The following ZFHX3 variants were observed in gnomAD, a reference collection of about 807,000 sequenced individuals.
The protein encoded by ZFHX3 is zinc finger homeobox protein 3.
In ZFHX3, 42 loss-of-function variants were observed where a neutral mutation model predicts 279.1. The observed-to-expected ratio is 0.15, with a 90% CI of 0.12 to 0.19. ZFHX3 has a LOEUF of 0.19. Ranked by LOEUF, ZFHX3 falls within the 10% of genes least tolerant of loss-of-function variation. The pLI is 1.00. For missense variants in ZFHX3, 4,981 were observed against 4,754.0 expected, an observed-to-expected ratio of 1.05 and a Z score of -1.40; for synonymous variants, 2,293 against 1,957.8, an observed-to-expected ratio of 1.17 and a Z score of -4.52.
rs1289759614 is a variant in ZFHX3 at position 72,958,498 on chromosome 16, T to G, written c.1648A>C (p.Thr550Pro). The change falls in exon 2 of 10, where the codon ACT becomes CCT. Residue 550 changes from threonine (T) to proline (P), a missense_variant. Thr to Pro is a conservative substitution (Grantham distance 38). This residue lies in a region of ZFHX3 where 1,068 missense variants were observed against 935.2 expected (regional missense o/e 1.14). Coordinates refer to ENST00000268489, the MANE Select transcript of ZFHX3 (RefSeq NM_006885.4). Reference protein sequence around the residue: ...LQTLSRGTASTSSNSASSFVV... With the variant: ...LQTLSRGTASPSSNSASSFVV... ...AAGGAAGAAGCAGAATTAGAACTAG[T>G]AGAAGCTGTGCCCCTCGACAGGGTC... 1 of 1,614,106 alleles carries G rather than the reference T, an allele frequency of 6.2e-7. No homozygotes were observed. The highest frequency in any genetic ancestry group is 8.5e-7 in the Non-Finnish European group (1 of 1,180,040).
At chr16:73,337,389 T>C (rs1247651299) in intron 3 of ZFHX3, among the ~76,000 whole-genome samples, 4 of 152,162 alleles carry the variant, frequency 2.6e-5, no homozygotes, top group African/African-American at 4.8e-5. Flanking sequence ...TGGTGAGCTT[T>C]GTTACTTCCA....
Position 72,788,090 on chromosome 16 carries a change from G to C in ZFHX3, c.10186C>G (p.Pro3396Ala), listed in dbSNP as rs1567507645. ...QQQQKVQQQQ[P>A]KASQTPVPPG... Reference sequence around the variant, plus strand: ...GGGACTGGGGTTTGGCTTGCTTTGGGCTGCTGCTGCTGCACTTTTTGCTGC... The same window carrying C: ...GGGACTGGGGTTTGGCTTGCTTTGGCCTGCTGCTGCTGCACTTTTTGCTGC... Residue 3396 changes from proline to alanine, a missense_variant, in exon 10 of 10, where the codon CCC (proline) becomes GCC (alanine). By Grantham distance (27) the Pro-to-Ala change is conservative. Coordinates refer to ENST00000268489, the MANE Select transcript of ZFHX3 (RefSeq NM_006885.4). 6.2e-7 allele frequency: 1 copy of C among 1,608,310 alleles called. No individual in the cohort carries two copies. The highest frequency in any genetic ancestry group is 8.5e-7 in the Non-Finnish European group (1 of 1,177,192).
chr16:72,894,411 G>A (rs1167332999), intron 3 of ZFHX3, among the ~76,000 whole-genome samples: 3 of 152,146 alleles, frequency 2.0e-5, no homozygotes, highest in Non-Finnish European at 4.4e-5. Context: ...CCTAGGCCCT[G>A]AGCGGCTCAA....
chr16:73,193,347 G>A (rs1207638152), intron 5 of ZFHX3, among the ~76,000 whole-genome samples: 2 of 152,186 alleles, frequency 1.3e-5, no homozygotes, highest in Non-Finnish European at 2.9e-5. Flanking sequence ...GGGGAGTTGG[G>A]GAGCAACTGA....
intron 6 of ZFHX3, among the ~76,000 whole-genome samples, chr16:73,138,784 C>G (rs1966836032): frequency 6.6e-6 from 1 of 152,094 alleles, no homozygotes; most frequent in Admixed American, 6.5e-5. Flanking sequence ...ACTGCCCAGG[C>G]TCAAGTGATC....
At chr16:73,541,221 C>A (rs7201333) in intron 2 of ZFHX3, among the ~76,000 whole-genome samples, 23,109 of 152,196 alleles carry the variant, frequency 0.15, 1,857 homozygotes, top group African/African-American at 0.2. Context: ...GTATTAAACA[C>A]ATGCTATCAT....
At chr16:73,874,250 C>T (rs948886019) in intron 1 of ZFHX3, among the ~76,000 whole-genome samples, 4 of 151,950 alleles carry the variant, frequency 2.6e-5, no homozygotes, top group South Asian at 2.1e-4. Context: ...AGACTTCAAA[C>T]GGTAAAAATT....
chr16:73,063,167 C>T (rs950280692), upstream of ZFHX3, among the ~76,000 whole-genome samples: 2 of 152,208 alleles, frequency 1.3e-5, no homozygotes, highest in African/African-American at 4.8e-5. Flanking sequence ...GCGCCGCCAC[C>T]GGCGGCCTCT....
At chr16:73,569,920 G>T (rs1158251829) in intron 2 of ZFHX3, among the ~76,000 whole-genome samples, 2 of 151,348 alleles carry the variant, frequency 1.3e-5, no homozygotes, top group Admixed American at 6.6e-5. Context: ...GCAACCACCC[G>T]TTTCCCTTAA....
intron 1 of ZFHX3, among the ~76,000 whole-genome samples, chr16:72,979,022 C>T (rs1962478490): frequency 6.6e-6 from 1 of 152,118 alleles, no homozygotes; most frequent in Non-Finnish European, 1.5e-5. Flanking sequence ...CAGTTGGTAC[C>T]AACACCTTCC....
chr16:73,839,693 G>A (rs948193464), intron 1 of ZFHX3, among the ~76,000 whole-genome samples: 2 of 152,178 alleles, frequency 1.3e-5, no homozygotes, highest in African/African-American at 4.8e-5. Flanking sequence ...AAAGAAAGAA[G>A]GAGGTACCCA....
intron 7 of ZFHX3, among the ~76,000 whole-genome samples, chr16:72,801,939 C>CA (rs1180414875): frequency 2.0e-5 from 3 of 151,704 alleles, no homozygotes; most frequent in Admixed American, 6.6e-5. Context: ...AGACTCCCCC[C>CA]CACCTCCTTT....
At chr16:73,529,769 G>A (rs949618171) in intron 2 of ZFHX3, among the ~76,000 whole-genome samples, 4 of 152,136 alleles carry the variant, frequency 2.6e-5, no homozygotes, top group Non-Finnish European at 4.4e-5. Flanking sequence ...CAGAGTGCTC[G>A]AAATAATTGT....
intron 5 of ZFHX3, among the ~76,000 whole-genome samples, chr16:73,152,004 A>G (rs1047874369): frequency 4.7e-5 from 7 of 150,020 alleles, no homozygotes; most frequent in African/African-American, 1.5e-4. Flanking sequence ...TCTGGGCCCT[A>G]TCAGTTACTG....
At chr16:73,042,650 T>C (rs1965160164) in intron 1 of ZFHX3, among the ~76,000 whole-genome samples, 2 of 152,074 alleles carry the variant, frequency 1.3e-5, no homozygotes, top group Admixed American at 1.3e-4. Context: ...AGTCACTGAC[T>C]CCTGCCCTAG....
chr16:73,161,815 G>A (rs1967242210), intron 5 of ZFHX3, among the ~76,000 whole-genome samples: 1 of 152,132 alleles, frequency 6.6e-6, no homozygotes, highest in South Asian at 2.1e-4. Flanking sequence ...TGGCCTGTTG[G>A]ACCCCTTACT....
Position 72,950,429 on chromosome 16 carries a change from T to C in ZFHX3, c.3216+40A>G, listed in dbSNP as rs1401215167. On this transcript the variant is annotated intron_variant, in intron 3 of 9. Coordinates refer to ENST00000268489, the MANE Select transcript of ZFHX3 (RefSeq NM_006885.4). ...ACTCCCCGGTGCGCAACCCCCTCCT[T>C]TCAGAAAGAGCGCCTGAGCCATAAG... The C allele has an allele frequency of 2.5e-6, 4 of 1,594,694 alleles. No homozygotes were observed. In the Admixed American group the frequency reaches 6.7e-5, roughly 27 times the overall value.
At chr16:73,756,531 G>C (rs1026772077) in intron 1 of ZFHX3, among the ~76,000 whole-genome samples, 1 of 152,164 alleles carries the variant, frequency 6.6e-6, no homozygotes, top group African/African-American at 2.4e-5. Context: ...TGCACAGGCA[G>C]ATTGATCCTC....
intron 5 of ZFHX3, among the ~76,000 whole-genome samples, chr16:73,161,080 C>A (rs765429442): frequency 1.3e-5 from 2 of 152,180 alleles, no homozygotes; most frequent in African/African-American, 2.4e-5. Flanking sequence ...TCAAGCGATT[C>A]TCCTGCCTCA....
Sources: gnomAD v4.1 joint callset for allele counts (sites outside exome capture counted in the v4.1 genomes callset) on GRCh38, gnomAD v4.1.1 for gene constraint, gnomAD v4.1.1 regional missense constraint, MANE v1.5 for transcripts, NCBI Gene and HGNC (gene_info 2026-07-23, HGNC 2026-07-21) for gene names.